Variants in RPS6KC1 observed in about 807,000 individuals in gnomAD.
RPS6KC1 encodes ribosomal protein S6 kinase C1, also known as inactive ribosomal protein S6 kinase delta-1.
RPS6KC1 carries 54 observed loss-of-function variants against 103.8 expected under a neutral mutation model. The observed-to-expected ratio is 0.52, with a 90% CI of 0.42 to 0.65. The LOEUF (loss-of-function observed/expected upper bound fraction) is 0.65, where lower values mean the gene tolerates loss of function less well. RPS6KC1 is among the 30% of genes least tolerant of loss of function. The probability of loss-of-function intolerance (pLI) is 0.00; values close to 1 mark genes in which losing one functional copy is unlikely to be tolerated. For synonymous variants in RPS6KC1, 439 were observed against 438.7 expected, an observed-to-expected ratio of 1.00 and a Z score of -0.01; for missense variants, 1,151 against 1,253.8, an observed-to-expected ratio of 0.92 and a Z score of 1.24.
the RPS6KC1 span, among the ~76,000 whole-genome samples, chr1:213,578,798 T>A: frequency 6.6e-6 from 1 of 152,224 alleles, no homozygotes; most frequent in Admixed American, 6.5e-5. Context: ...CAGAAGAGAT[T>A]TGCCTTGCCT....
chr1:213,345,909 C>A, the RPS6KC1 span, among the ~76,000 whole-genome samples: 1 of 152,218 alleles, frequency 6.6e-6, no homozygotes, highest in African/African-American at 2.4e-5. Flanking sequence ...CTTGGCTCCT[C>A]AAATCCTCCT....
At chr1:213,097,183 G>A (rs1002375013) in intron 3 of RPS6KC1, among the ~76,000 whole-genome samples, 2 of 152,050 alleles carry the variant, frequency 1.3e-5, no homozygotes, top group South Asian at 2.1e-4. Context: ...GTGAAACCCC[G>A]TCTCTACTAG....
chr1:213,862,040 G>A, the RPS6KC1 span, among the ~76,000 whole-genome samples: 18 of 152,122 alleles, frequency 1.2e-4, no homozygotes, highest in African/African-American at 4.3e-4. Context: ...AAAGCGGGGG[G>A]CAGGTGAGCA....
chr1:213,516,461 G>A, the RPS6KC1 span, among the ~76,000 whole-genome samples: 27 of 152,158 alleles, frequency 1.8e-4, no homozygotes, highest in Admixed American at 1.8e-3. Context: ...TTTTGTCAAA[G>A]GCCTTTTCTG....
intron 8 of RPS6KC1, among the ~76,000 whole-genome samples, chr1:213,214,355 G>C (rs938644606): frequency 3.9e-5 from 6 of 152,264 alleles, no homozygotes; most frequent in Non-Finnish European, 8.8e-5. Context: ...GCTGAGGCTT[G>C]AGTAGGTAAA....
chr1:213,625,895 T>C, the RPS6KC1 span, among the ~76,000 whole-genome samples: 1 of 152,172 alleles, frequency 6.6e-6, no homozygotes, highest in Non-Finnish European at 1.5e-5. Flanking sequence ...AACATACGTG[T>C]GCATGTGTCT....
At chr1:213,677,364 A>G in the RPS6KC1 span, among the ~76,000 whole-genome samples, 2,067 of 152,304 alleles carry the variant, frequency 0.014, 42 homozygotes, top group Middle Eastern at 0.044. Context: ...TCAGCTCGGG[A>G]GATCCATTTA....
chr1:213,784,842 C>T, the RPS6KC1 span, among the ~76,000 whole-genome samples: 3 of 152,192 alleles, frequency 2.0e-5, no homozygotes, highest in African/African-American at 7.2e-5. Flanking sequence ...GAGTAAAACT[C>T]TTCATAAACT....
intron 8 of RPS6KC1, among the ~76,000 whole-genome samples, chr1:213,215,852 C>T (rs1435660341): frequency 1.3e-5 from 2 of 152,160 alleles, no homozygotes; most frequent in African/African-American, 4.8e-5. Flanking sequence ...ACCACCAGGC[C>T]TGCCCTAAAA....
chr1:213,730,188 G>C, the RPS6KC1 span, among the ~76,000 whole-genome samples: 115,891 of 152,076 alleles, frequency 0.76, 44,257 homozygotes, highest in East Asian at 0.88. Flanking sequence ...AGGCATTTAG[G>C]TTGATTCCAT....
At chr1:213,081,915 G>A (rs2148573858) in intron 3 of RPS6KC1, among the ~76,000 whole-genome samples, 1 of 152,270 alleles carries the variant, frequency 6.6e-6, no homozygotes, top group African/African-American at 2.4e-5. Context: ...GCCTGAGCTA[G>A]AGCCACCCAG....
the RPS6KC1 span, among the ~76,000 whole-genome samples, chr1:213,572,853 T>C: frequency 6.6e-6 from 1 of 152,288 alleles, no homozygotes; most frequent in East Asian, 1.9e-4. Flanking sequence ...TGTCTTCTCA[T>C]TTTCCTAAGA....
chr1:213,846,624 G>A, the RPS6KC1 span, among the ~76,000 whole-genome samples: 1 of 152,038 alleles, frequency 6.6e-6, no homozygotes, highest in Admixed American at 6.5e-5. Flanking sequence ...TTGCTGTCCT[G>A]GCAATTAAAG....
At chr1:213,748,772 G>A in the RPS6KC1 span, among the ~76,000 whole-genome samples, 1 of 152,212 alleles carries the variant, frequency 6.6e-6, no homozygotes, top group South Asian at 2.1e-4. Context: ...TAGCCAAGAG[G>A]AGAGATATAT....
the RPS6KC1 span, among the ~76,000 whole-genome samples, chr1:213,800,147 T>A: frequency 1.3e-5 from 2 of 152,018 alleles, no homozygotes; most frequent in African/African-American, 4.8e-5. Context: ...TTTCAACATA[T>A]GAATTTAGCA....
chr1:213,174,164 G>A (rs7523039), intron 7 of RPS6KC1, among the ~76,000 whole-genome samples: 5,542 of 152,286 alleles, frequency 0.036, 286 homozygotes, highest in African/African-American at 0.12. Context: ...TTTTCAGAAT[G>A]TGTTGGTTAG....
the RPS6KC1 span, among the ~76,000 whole-genome samples, chr1:213,648,052 G>T: frequency 1.3e-5 from 2 of 152,000 alleles, no homozygotes; most frequent in African/African-American, 4.8e-5. Flanking sequence ...CTTTGAAAAA[G>T]ATATGATGTC....
intron 3 of RPS6KC1, among the ~76,000 whole-genome samples, chr1:213,079,915 T>C (rs1043061930): frequency 6.6e-6 from 1 of 151,000 alleles, no homozygotes; most frequent in African/African-American, 2.4e-5. Flanking sequence ...TTTTTCTTTT[T>C]TTCTTTTTTT....
chr1:213,236,324 G>T (rs1005134195), intron 10 of RPS6KC1, among the ~76,000 whole-genome samples: 1 of 152,156 alleles, frequency 6.6e-6, no homozygotes, highest in African/African-American at 2.4e-5. Context: ...AGGTAGAACG[G>T]CATGATTCTG....
Sources: gnomAD v4.1 joint callset for allele counts (sites outside exome capture counted in the v4.1 genomes callset) on GRCh38, gnomAD v4.1.1 for gene constraint, MANE v1.5 for transcripts, NCBI Gene and HGNC (gene_info 2026-07-23, HGNC 2026-07-21) for gene names.